Variants in ARHGAP26 observed in about 807,000 individuals in gnomAD.
The protein encoded by ARHGAP26 is rho GTPase-activating protein 26.
A neutral mutation model predicts 104.8 loss-of-function variants in ARHGAP26; 38 were observed. The ratio of observed to expected loss-of-function variants is 0.36; its 90% CI spans 0.28 to 0.48. The LOEUF is 0.48. ARHGAP26 is among the 20% of genes least tolerant of loss of function. The pLI, the probability that ARHGAP26 is intolerant of heterozygous loss-of-function variation, is 0.99. For synonymous variants in ARHGAP26, 341 were observed against 340.0 expected, an observed-to-expected ratio of 1.00 and a Z score of -0.03; for missense variants, 704 against 947.9, an observed-to-expected ratio of 0.74 and a Z score of 3.38.
intron 20 of ARHGAP26, among the ~76,000 whole-genome samples, chr5:143,204,937 G>T (rs113097930): frequency 6.6e-4 from 101 of 152,086 alleles, no homozygotes; most frequent in African/African-American, 2.3e-3. Context: ...TTCTGCTTGG[G>T]TTCCTGGGCT....
At position 142,770,665 on chromosome 5, in the gene ARHGAP26, G is replaced by GGGGAGCCGGCCGGGGTCCCGCCGC. The variant is rs1755009409; in HGVS notation, c.-95_-72dup. 2 of 932,906 alleles carry GGGGAGCCGGCCGGGGTCCCGCCGC rather than the reference G, an allele frequency of 2.1e-6. No individual in the cohort carries two copies. Among genetic ancestry groups the GGGGAGCCGGCCGGGGTCCCGCCGC allele is most frequent in the African/African-American group, 3.6e-5 (2 of 56,200 alleles). The allele number at this position is 932,906 out of a possible 1,614,324, so 57.8% of individuals were successfully genotyped here. On this transcript the variant is annotated 5_prime_UTR_variant, in exon 1 of 23. Transcript: ENST00000645722. Reference sequence around the variant, plus strand: ...ACACCTGTGGAGCCGGCGGCCGTCGGGGGAGCCGGCCGGGGTCCCGCCGCG... The same window carrying GGGGAGCCGGCCGGGGTCCCGCCGC: ...ACACCTGTGGAGCCGGCGGCCGTCGGGGGAGCCGGCCGGGGTCCCGCCGCGGGAGCCGGCCGGGGTCCCGCCGCG...
chr5:142,801,431 CT>C (rs559629945), intron 1 of ARHGAP26, among the ~76,000 whole-genome samples: 11 of 148,342 alleles, frequency 7.4e-5, no homozygotes, highest in South Asian at 2.1e-4. Flanking sequence ...GCCACCATCT[CT>C]TTTTTTTTTA....
intron 1 of ARHGAP26, among the ~76,000 whole-genome samples, chr5:142,840,298 A>G (rs948545326): frequency 5.9e-5 from 9 of 152,230 alleles, no homozygotes; most frequent in African/African-American, 1.4e-4. Context: ...CTATGTAAAT[A>G]TATGATGGGG....
At position 143,106,432 on chromosome 5, in the gene ARHGAP26, G is replaced by A. The variant is rs183306784; in HGVS notation, c.1539-14556G>A. ...CAGACTTCAGAATTCCCATGGAAAA[G>A]GAAGTGAACTCCTTTGGAATACAAT... On this transcript the variant is annotated intron_variant, in intron 17 of 22. Transcript: ENST00000645722. Among the ~76,000 whole-genome samples, 402 of 149,814 alleles carry A rather than the reference G, an allele frequency of 2.7e-3. 2 individuals carry two copies. Among genetic ancestry groups the A allele is most frequent in the African/African-American group, 9.3e-3 (381 of 40,992 alleles).
intron 1 of ARHGAP26, among the ~76,000 whole-genome samples, chr5:142,784,034 T>TG (rs1758046068): frequency 6.6e-6 from 1 of 152,232 alleles, no homozygotes; most frequent in African/African-American, 2.4e-5. Context: ...GGCATCCAGA[T>TG]GCTCCTGCTG....
intron 19 of ARHGAP26, among the ~76,000 whole-genome samples, chr5:143,138,115 T>G (rs1290237072): frequency 2.0e-5 from 3 of 152,212 alleles, no homozygotes; most frequent in Non-Finnish European, 2.9e-5. Flanking sequence ...CTCTTTAATC[T>G]ATGGGTATTA....
intron 9 of ARHGAP26, 77 bp downstream of exon 9, chr5:142,907,881 A>G: frequency 1.1e-6 from 1 of 911,156 alleles, no homozygotes; most frequent in Non-Finnish European, 1.6e-6. Flanking sequence ...ATAAAGTAAC[A>G]CCTCCAGTGT....
intron 16 of ARHGAP26, among the ~76,000 whole-genome samples, chr5:143,057,159 A>T (rs541737504): frequency 1.3e-5 from 2 of 152,342 alleles, no homozygotes; most frequent in East Asian, 3.9e-4. Context: ...GCTGGTTGTC[A>T]TATGTGACTT....
In ARHGAP26 at chr5:143,012,556, T is replaced by TATATATATATATAC. The variant is rs1554195660; in HGVS notation, c.1108-1511_1108-1510insCATATATATATATA. On this transcript the variant is annotated intron_variant, in intron 11 of 22. Coordinates refer to ENST00000645722, the MANE Select transcript of ARHGAP26 (RefSeq NM_001135608.3). Reference sequence around the variant, plus strand: ...ATATATTTATATACATACATACATATATATATATATATATATATATTATGA... The same window carrying TATATATATATATAC: ...ATATATTTATATACATACATACATATATATATATATATACATATATATATATATATATATTATGA... 6.6e-3 allele frequency among the ~76,000 whole-genome samples: 390 copies of TATATATATATATAC among 59,094 alleles called. 46 individuals are homozygous for TATATATATATATAC. Among genetic ancestry groups the TATATATATATATAC allele is most frequent in the African/African-American group, 0.02 (377 of 18,586 alleles). The allele number at this position is 59,094 out of a possible 152,430, so 38.8% of individuals were successfully genotyped here. A position where few individuals can be genotyped will look rare whatever the true frequency, so the allele number is the denominator to read the frequency against.
intron 17 of ARHGAP26, among the ~76,000 whole-genome samples, chr5:143,094,387 A>C (rs2150557135): frequency 6.6e-6 from 1 of 152,130 alleles, no homozygotes; most frequent in African/African-American, 2.4e-5. Context: ...TATTCCTCGC[A>C]CTGGGTGGGT....
rs759625403 is a variant in ARHGAP26, at chr5:143,041,798, C to T, written c.1211-18C>T. 29 of 1,593,852 alleles carry T rather than the reference C, an allele frequency of 1.8e-5. 1 individual carries two copies. In the South Asian group the frequency reaches 3.1e-4, roughly 17 times the overall value. Reference sequence around the variant, plus strand: ...TCTGACGTGCCTCTAATTAAATCATCACTGTTTCTTTCCTCAGGGATCAAC... The same window carrying T: ...TCTGACGTGCCTCTAATTAAATCATTACTGTTTCTTTCCTCAGGGATCAAC... On this transcript the variant is annotated intron_variant, in intron 13 of 22. Transcript: ENST00000645722.
chr5:143,037,387 G>A, intron 13 of ARHGAP26, 126 bp downstream of exon 13: 2 of 657,688 alleles, frequency 3.0e-6, no homozygotes, highest in Non-Finnish European at 2.3e-6. Flanking sequence ...CATTGTCAGT[G>A]GATTTCCACA....
At chr5:142,818,073 G>A (rs1450614257) in intron 1 of ARHGAP26, among the ~76,000 whole-genome samples, 2 of 152,178 alleles carry the variant, frequency 1.3e-5, no homozygotes, top group African/African-American at 4.8e-5. Flanking sequence ...CACCAGGAAT[G>A]TAGTTTCTGT....
In ARHGAP26 at chr5:143,134,051, T is replaced by G. The variant is rs758011894; in HGVS notation, c.1783T>G (p.Ser595Ala). 7 of 1,612,706 alleles carry G rather than the reference T, an allele frequency of 4.3e-6. No individual in the cohort carries two copies. Among genetic ancestry groups the G allele is most frequent in the Non-Finnish European group, 5.1e-6 (6 of 1,179,406 alleles). The change falls in exon 19 of 23, where the codon TCC becomes GCC. Residue 595 changes from serine (S) to alanine (A), a missense_variant. This residue lies in a region of ARHGAP26 where 217 missense variants were observed against 242.6 expected (regional missense o/e 0.89). Transcript: ENST00000645722. The stretch of plus-strand genomic sequence containing the variant: ...GAAGAGCAGTGACTCCAAGCCCCCG[T>G]CCTGCAGCGAGAGGCCCCTGACGCT... ...RKKSSDSKPP[S>A]CSERPLTLFH... is the part of the protein sequence containing the mutation.
At chr5:142,851,672 A>G (rs1027013108) in intron 1 of ARHGAP26, among the ~76,000 whole-genome samples, 2 of 152,132 alleles carry the variant, frequency 1.3e-5, no homozygotes, top group African/African-American at 4.8e-5. Flanking sequence ...TTTAGGCCCT[A>G]TGTGGCCGCC....
chr5:143,124,077 C>CAAA (rs915021267), intron 18 of ARHGAP26, among the ~76,000 whole-genome samples: 3 of 152,202 alleles, frequency 2.0e-5, no homozygotes, highest in Non-Finnish European at 4.4e-5. Context: ...AAATGCTTTC[C>CAAA]AGCAGCACCT....
rs905470462 is a variant in ARHGAP26, at chr5:143,197,952, A to C, written c.1989-9246A>C. On this transcript the variant is annotated intron_variant, in intron 20 of 22. Transcript: ENST00000645722. ...CCTAACAGTATAAATAAAAAAGTGA[A>C]TGTCTAGTCCATATCTGTACATCCA... 2.6e-5 allele frequency among the ~76,000 whole-genome samples: 4 copies of C among 152,320 alleles called. No individual in the cohort carries two copies. The East Asian group carries it at 5.8e-4, about 22-fold the overall frequency.
intron 17 of ARHGAP26, among the ~76,000 whole-genome samples, chr5:143,119,491 T>TG (rs764291105): frequency 3.3e-5 from 5 of 152,208 alleles, no homozygotes; most frequent in African/African-American, 4.8e-5. Context: ...CTCTCCCCCT[T>TG]GCCAGGTCAG....
chr5:142,924,769 A>G (rs1256771256), intron 10 of ARHGAP26, among the ~76,000 whole-genome samples: 1 of 152,252 alleles, frequency 6.6e-6, no homozygotes, highest in African/African-American at 2.4e-5. Context: ...GTCTCCAAAT[A>G]GTAGATTACC....
Sources: gnomAD v4.1 joint callset for allele counts (sites outside exome capture counted in the v4.1 genomes callset) on GRCh38, gnomAD v4.1.1 for gene constraint, gnomAD v4.1.1 regional missense constraint, MANE v1.5 for transcripts, NCBI Gene and HGNC (gene_info 2026-07-23, HGNC 2026-07-21) for gene names.